PAK3: variants seen among roughly 807,000 people sequenced by gnomAD.
PAK3 encodes serine/threonine-protein kinase PAK 3.
PAK3 carries 4 observed loss-of-function variants against 41.0 expected under a neutral mutation model. That is an observed-to-expected ratio of 0.10 (90% CI 0.05 to 0.22). The LOEUF (loss-of-function observed/expected upper bound fraction) is 0.22. Among genes scored for constraint, PAK3 ranks in the 10% least tolerant of loss-of-function variants. PAK3 has a pLI of 1.00. For synonymous variants in PAK3, 146 were observed against 139.6 expected (o/e 1.05, Z -0.32); for missense variants, 205 against 409.9 (o/e 0.50, Z 4.32).
At chrX:111,129,466 G>A (rs1244383132) in intron 5 of PAK3, among the ~76,000 whole-genome samples, 1 of 111,254 alleles carries the variant, frequency 9.0e-6, no homozygotes, top group East Asian at 2.8e-4. Flanking sequence ...ATGGCATCTT[G>A]CTTGTCCTCT....
At chrX:111,127,861 A>G (rs1016212533) in intron 5 of PAK3, among the ~76,000 whole-genome samples, 1 of 111,867 alleles carries the variant, frequency 8.9e-6, no homozygotes, top group African/African-American at 3.2e-5. Context: ...TTATGCTATC[A>G]TGTTGTATTT....
chrX:111,176,237 A>C (rs1446447513), intron 11 of PAK3, among the ~76,000 whole-genome samples: 1 of 110,673 alleles, frequency 9.0e-6, no homozygotes, highest in African/African-American at 3.3e-5. Flanking sequence ...GCTAATGAAA[A>C]TGTTTGTCTT....
chrX:111,180,190 C>A (rs923213358), intron 11 of PAK3, among the ~76,000 whole-genome samples: 1 of 111,771 alleles, frequency 8.9e-6, no homozygotes. Flanking sequence ...TAAAGTCTTA[C>A]AATTTTACAT....
chrX:111,006,948 G>C (rs1278903618), intron 1 of PAK3, among the ~76,000 whole-genome samples: 1 of 102,577 alleles, frequency 9.7e-6, no homozygotes, highest in Non-Finnish European at 2.0e-5. Flanking sequence ...AGGCTCAAGT[G>C]ATCTTCCCGC....
chrX:111,043,486 G>T (rs1327156704), intron 1 of PAK3, among the ~76,000 whole-genome samples: 1 of 111,299 alleles, frequency 9.0e-6, no homozygotes, highest in East Asian at 2.8e-4. Flanking sequence ...TGTTTCTGCT[G>T]TTTGCTCTTT....
At chrX:111,047,954 A>G (rs374458882) in intron 1 of PAK3, among the ~76,000 whole-genome samples, 3 of 111,170 alleles carry the variant, frequency 2.7e-5, no homozygotes, top group East Asian at 2.9e-4. Context: ...CTCTCTTTCT[A>G]TTTCTCTACA....
At chrX:111,057,420 A>T (rs1333497952) in intron 1 of PAK3, among the ~76,000 whole-genome samples, 4 of 111,990 alleles carry the variant, frequency 3.6e-5, no homozygotes, top group African/African-American at 1.3e-4. Flanking sequence ...TTTCAATGTA[A>T]GTTGTAAATA....
At chrX:111,034,827 G>A (rs1193266092) in intron 1 of PAK3, among the ~76,000 whole-genome samples, 4 of 111,067 alleles carry the variant, frequency 3.6e-5, no homozygotes, top group East Asian at 5.7e-4. Context: ...GTGGCTGGGC[G>A]CAGTGGCTCA....
chrX:111,109,705 G>A (rs1001644786), intron 4 of PAK3, among the ~76,000 whole-genome samples: 1 of 111,654 alleles, frequency 9.0e-6, no homozygotes, highest in Non-Finnish European at 1.9e-5. Flanking sequence ...TCTTACCATA[G>A]GCATTCTTCT....
At chrX:111,000,874 A>G (rs1236534229) in intron 1 of PAK3, among the ~76,000 whole-genome samples, 2 of 112,060 alleles carry the variant, frequency 1.8e-5, no homozygotes, top group Non-Finnish European at 3.8e-5. Flanking sequence ...TAAAACAATC[A>G]GGATATTATT....
At chrX:110,966,172 G>A (rs1324693606) in intron 1 of PAK3, among the ~76,000 whole-genome samples, 1 of 111,830 alleles carries the variant, frequency 8.9e-6, no homozygotes, top group Non-Finnish European at 1.9e-5. Context: ...CACAGCTGGA[G>A]TCTTCATAAT....
rs759675590 is a variant in PAK3, at chrX:110,973,873, A to G, written c.-28+29245A>G. 2.7e-5 allele frequency among the ~76,000 whole-genome samples: 3 copies of G among 112,014 alleles called. No homozygotes were observed. In the East Asian group the frequency reaches 8.4e-4, roughly 31 times the overall value. On this transcript the variant is annotated intron_variant, in intron 1 of 14. Coordinates refer to the PAK3 transcript ENST00000425146. ...AAAATAAAGGGATGGAGGAAGATCTACCAAGCAAATGGAAAGCAAAAAAAA... is the reference window on the plus strand; with the variant it reads ...AAAATAAAGGGATGGAGGAAGATCTGCCAAGCAAATGGAAAGCAAAAAAAA...
At chrX:111,086,738 G>A (rs905834498) in intron 1 of PAK3, among the ~76,000 whole-genome samples, 5 of 111,429 alleles carry the variant, frequency 4.5e-5, no homozygotes, top group Admixed American at 1.9e-4. Context: ...ACACAGTTAA[G>A]CCTCACTAAT....
At chrX:111,056,239 GC>G (rs1343474660) in intron 1 of PAK3, among the ~76,000 whole-genome samples, 1 of 111,466 alleles carries the variant, frequency 9.0e-6, no homozygotes, top group Non-Finnish European at 1.9e-5. Context: ...AAGCCCCCAA[GC>G]CAGCTGTTAT....
At chrX:110,989,540 C>T (rs2091605830) in intron 1 of PAK3, among the ~76,000 whole-genome samples, 1 of 111,791 alleles carries the variant, frequency 8.9e-6, no homozygotes, top group African/African-American at 3.3e-5. Context: ...AATTTAAATA[C>T]TATTTGCACC....
chrX:111,084,038 A>G (rs1428266818), intron 1 of PAK3, among the ~76,000 whole-genome samples: 1 of 112,947 alleles, frequency 8.9e-6, no homozygotes, highest in Non-Finnish European at 1.9e-5. Flanking sequence ...AATTATTTTT[A>G]TCTTTTTGAT....
At chrX:111,039,264 C>T (rs987136814) in intron 1 of PAK3, among the ~76,000 whole-genome samples, 2 of 112,146 alleles carry the variant, frequency 1.8e-5, no homozygotes, top group Non-Finnish European at 3.8e-5. Flanking sequence ...CAGATCTTAG[C>T]CAAATTTGAT....
At chrX:110,978,613 CAT>C (rs1180175338) in intron 1 of PAK3, among the ~76,000 whole-genome samples, 1 of 111,323 alleles carries the variant, frequency 9.0e-6, no homozygotes, top group East Asian at 2.8e-4. Context: ...ATATTTGAAT[CAT>C]ATTTATGAAG....
chrX:111,016,009 G>A (rs1482729270), intron 1 of PAK3, among the ~76,000 whole-genome samples: 2 of 111,884 alleles, frequency 1.8e-5, no homozygotes, highest in South Asian at 3.7e-4. Flanking sequence ...TTATTTTAAT[G>A]TGTCTATATC....
Sources: allele counts gnomAD v4.1 joint callset (sites outside exome capture counted in the v4.1 genomes callset), GRCh38; gene constraint gnomAD v4.1.1; transcripts MANE v1.5; gene names NCBI Gene and HGNC (gene_info 2026-07-23, HGNC 2026-07-21).